Variants in TAFA1 observed in about 807,000 individuals in gnomAD.
TAFA1 encodes the protein TAFA chemokine like family member 1, also known as chemokine-like protein TAFA-1.
A neutral mutation model predicts 18.5 loss-of-function variants in TAFA1; 4 were observed. The ratio of observed to expected loss-of-function variants is 0.22; its 90% CI spans 0.11 to 0.49. The LOEUF is 0.49. Ranked by LOEUF, TAFA1 falls within the 20% of genes least tolerant of loss-of-function variation. The pLI is 0.98. For synonymous variants in TAFA1, 56 were observed against 55.2 expected (o/e 1.01, Z -0.06); for missense variants, 147 against 169.0 (o/e 0.87, Z 0.72).
chr3:68,249,037 T>A (rs1343232761), intron 2 of TAFA1, among the ~76,000 whole-genome samples: 1 of 152,024 alleles, frequency 6.6e-6, no homozygotes, highest in Non-Finnish European at 1.5e-5. Flanking sequence ...TGGCTCTGGG[T>A]CTCTTCTTCA....
At chr3:68,292,343 G>C (rs1402850034) in intron 2 of TAFA1, among the ~76,000 whole-genome samples, 1 of 148,396 alleles carries the variant, frequency 6.7e-6, no homozygotes, top group African/African-American at 2.5e-5. Context: ...GAGCCCGACA[G>C]ATCGAGGCTG....
rs573101917 is a variant in TAFA1 at position 68,261,512 on chromosome 3, A to T, written c.119-155768A>T. Among the ~76,000 whole-genome samples the T allele has an allele frequency of 1.2e-4, 19 of 152,328 alleles. No individual in the cohort carries two copies. In the South Asian group the frequency reaches 3.5e-3, roughly 28 times the overall value. On this transcript the variant is annotated intron_variant, in intron 2 of 4. Transcript: ENST00000478136. ...TCACAATAGCAAAGTCTTGGAACCAACCCAAATGTCCAACAACAATAGACT... is the reference window on the plus strand; with the variant it reads ...TCACAATAGCAAAGTCTTGGAACCATCCCAAATGTCCAACAACAATAGACT...
chr3:68,243,078 A>T (rs934806327), intron 2 of TAFA1, among the ~76,000 whole-genome samples: 1 of 149,308 alleles, frequency 6.7e-6, no homozygotes, highest in African/African-American at 2.5e-5. Context: ...TTCTTTAATG[A>T]TTTTTTTTTT....
At chr3:68,010,568 C>A (rs1259931843) in intron 2 of TAFA1, among the ~76,000 whole-genome samples, 1 of 152,172 alleles carries the variant, frequency 6.6e-6, no homozygotes, top group Admixed American at 6.5e-5. Context: ...AACTAGAAAA[C>A]TGACTCATTT....
intron 2 of TAFA1, among the ~76,000 whole-genome samples, chr3:68,196,927 G>A (rs2066417576): frequency 6.6e-6 from 1 of 151,760 alleles, no homozygotes; most frequent in East Asian, 2.0e-4. Flanking sequence ...AGTGGAGATA[G>A]TCTCTGCCAA....
chr3:68,224,029 A>G (rs538164378), intron 2 of TAFA1, among the ~76,000 whole-genome samples: 2 of 151,408 alleles, frequency 1.3e-5, no homozygotes, highest in African/African-American at 2.4e-5. Context: ...TTTTATAGCC[A>G]ACAACCATGC....
At chr3:68,116,802 G>C (rs1013599799) in intron 2 of TAFA1, among the ~76,000 whole-genome samples, 2 of 152,094 alleles carry the variant, frequency 1.3e-5, no homozygotes, top group Non-Finnish European at 2.9e-5. Context: ...TGACCTTTGG[G>C]CCAAATCCAG....
At chr3:68,476,379 A>G (rs1016913235) in intron 3 of TAFA1, among the ~76,000 whole-genome samples, 1 of 152,202 alleles carries the variant, frequency 6.6e-6, no homozygotes, top group Non-Finnish European at 1.5e-5. Context: ...CCTGTTTAGT[A>G]CAAAGGTTAT....
chr3:68,326,765 G>A (rs930223506), intron 2 of TAFA1, among the ~76,000 whole-genome samples: 5 of 152,122 alleles, frequency 3.3e-5, no homozygotes, highest in Non-Finnish European at 7.4e-5. Flanking sequence ...TCTCATTTCA[G>A]CCTCATGGCT....
intron 2 of TAFA1, among the ~76,000 whole-genome samples, chr3:68,124,046 G>A (rs1045732136): frequency 6.6e-6 from 1 of 152,062 alleles, no homozygotes; most frequent in Admixed American, 6.6e-5. Flanking sequence ...TCCTTTTAAT[G>A]TTGAAATTTT....
intron 3 of TAFA1, among the ~76,000 whole-genome samples, chr3:68,503,314 CA>C (rs774106923): frequency 6.6e-6 from 1 of 152,038 alleles, no homozygotes; most frequent in Non-Finnish European, 1.5e-5. Context: ...CTGCAAAACC[CA>C]AAAAACCTGA....
intron 2 of TAFA1, among the ~76,000 whole-genome samples, chr3:68,083,270 C>G (rs1352573150): frequency 6.6e-6 from 1 of 152,158 alleles, no homozygotes; most frequent in African/African-American, 2.4e-5. Context: ...AACCTTCAGC[C>G]CCAACCTATT....
chr3:68,327,593 C>A (rs1309817598), intron 2 of TAFA1, among the ~76,000 whole-genome samples: 1 of 152,152 alleles, frequency 6.6e-6, no homozygotes, highest in Non-Finnish European at 1.5e-5. Flanking sequence ...ACAATATTAA[C>A]TTCTTAGGCT....
At chr3:68,062,404 G>GT (rs2064616241) in intron 2 of TAFA1, among the ~76,000 whole-genome samples, 1 of 152,218 alleles carries the variant, frequency 6.6e-6, no homozygotes, top group South Asian at 2.1e-4. Context: ...AATAAGCAAA[G>GT]TTTTTTTGTC....
At chr3:68,313,372 G>T (rs1283109938) in intron 2 of TAFA1, among the ~76,000 whole-genome samples, 1 of 151,962 alleles carries the variant, frequency 6.6e-6, no homozygotes, top group Non-Finnish European at 1.5e-5. Context: ...TGCTAGATAG[G>T]TGCAGTCTTG....
chr3:68,371,163 T>C (rs950873276), intron 2 of TAFA1, among the ~76,000 whole-genome samples: 2 of 152,192 alleles, frequency 1.3e-5, no homozygotes, highest in African/African-American at 4.8e-5. Flanking sequence ...AAAACTACTC[T>C]GAGCCTCTGT....
the TAFA1 span, among the ~76,000 whole-genome samples, chr3:67,992,810 C>G: frequency 6.6e-6 from 1 of 152,176 alleles, no homozygotes; most frequent in Non-Finnish European, 1.5e-5. Flanking sequence ...TGATTGTATT[C>G]TCTGCTTCCC....
intron 2 of TAFA1, among the ~76,000 whole-genome samples, chr3:68,142,776 C>T (rs1575641647): frequency 6.6e-6 from 1 of 152,306 alleles, no homozygotes; most frequent in South Asian, 2.1e-4. Flanking sequence ...AGATATTCCT[C>T]TCAGAGGCAG....
At chr3:68,187,192 G>A (rs2066281503) in intron 2 of TAFA1, among the ~76,000 whole-genome samples, 1 of 151,892 alleles carries the variant, frequency 6.6e-6, no homozygotes. Context: ...TGCAAAATTT[G>A]ACATCACCTT....
Sources: allele counts gnomAD v4.1 joint callset (sites outside exome capture counted in the v4.1 genomes callset), GRCh38; gene constraint gnomAD v4.1.1; transcripts MANE v1.5; gene names NCBI Gene and HGNC (gene_info 2026-07-23, HGNC 2026-07-21).